Variants in LRRTM4 observed in about 807,000 individuals in gnomAD.
LRRTM4 encodes leucine-rich repeat transmembrane neuronal protein 4.
A neutral mutation model predicts 47.6 loss-of-function variants in LRRTM4; 25 were observed. That is an observed-to-expected ratio of 0.53 (90% CI 0.38 to 0.73). The LOEUF is 0.73. Among genes scored for constraint, LRRTM4 ranks in the 30% least tolerant of loss-of-function variants. LRRTM4 has a pLI of 0.00. For synonymous variants in LRRTM4, 311 were observed against 269.5 expected, an observed-to-expected ratio of 1.15 and a Z score of -1.51; for missense variants, 638 against 713.4, an observed-to-expected ratio of 0.89 and a Z score of 1.20.
At chr2:77,158,786 G>GT (rs59965608) in intron 3 of LRRTM4, among the ~76,000 whole-genome samples, 202 of 145,978 alleles carry the variant, frequency 1.4e-3, no homozygotes, top group Middle Eastern at 3.6e-3. Context: ...TGCTTTTTTC[G>GT]TTTTTTTTTC....
chr2:76,908,730 A>C (rs1673941626), intron 3 of LRRTM4, among the ~76,000 whole-genome samples: 1 of 152,010 alleles, frequency 6.6e-6, no homozygotes, highest in Admixed American at 6.6e-5. Flanking sequence ...TCATGAGTGA[A>C]CTCCCATTCA....
Position 76,891,378 on chromosome 2 carries a change from T to A in LRRTM4, c.1552-142462A>T, listed in dbSNP as rs531871563. ...AAAGTAAATAAAGGACTAGTCAACA[T>A]CCTTAAAAGCATATTGGAAGGAAAA... On this transcript the variant is annotated intron_variant, in intron 3 of 3. Coordinates refer to ENST00000409884, the MANE Select transcript of LRRTM4 (RefSeq NM_001134745.3). 9.7e-4 allele frequency among the ~76,000 whole-genome samples: 147 copies of A among 151,864 alleles called. 5 individuals are homozygous for A. In the South Asian group the frequency reaches 0.03, roughly 31 times the overall value.
chr2:76,999,619 T>C (rs1312103328), intron 3 of LRRTM4, among the ~76,000 whole-genome samples: 1 of 152,118 alleles, frequency 6.6e-6, no homozygotes, highest in African/African-American at 2.4e-5. Flanking sequence ...TCTCCAGCTT[T>C]TCTACCTTTC....
Position 77,033,999 on chromosome 2 carries a change from A to G in LRRTM4, c.1552-285083T>C, listed in dbSNP as rs570646505. ...CAAGATTTCAAGATTTTTTAATATA[A>G]AAGTATGCTTAGTATACCTTTATTA... is the stretch of plus-strand genomic sequence containing the variant. On this transcript the variant is annotated intron_variant, in intron 3 of 3. Transcript: ENST00000409884. Among the ~76,000 whole-genome samples the G allele has an allele frequency of 3.3e-5, 5 of 151,952 alleles. No individual in the cohort carries two copies. The South Asian group carries it at 1.0e-3, about 31-fold the overall frequency.
At chr2:77,280,259 T>C (rs1193530075) in intron 3 of LRRTM4, among the ~76,000 whole-genome samples, 1 of 151,932 alleles carries the variant, frequency 6.6e-6, no homozygotes, top group Non-Finnish European at 1.5e-5. Context: ...AGGAAATAAA[T>C]CAGATTGTCC....
At chr2:76,974,193 T>TATATATACATATATATATAC (rs1558771579) in intron 3 of LRRTM4, among the ~76,000 whole-genome samples, 16 of 119,600 alleles carry the variant, frequency 1.3e-4, no homozygotes, top group African/African-American at 6.1e-4. Context: ...CATACATATA[T>TATATATACATATATATATAC]ATACATATAT....
rs75962238 is a variant in LRRTM4, at chr2:76,815,038, G to A, written c.1552-66122C>T. 3.4e-3 allele frequency among the ~76,000 whole-genome samples: 520 copies of A among 152,190 alleles called. 13 individuals carry two copies. The East Asian group carries it at 0.052, about 15-fold the overall frequency. The stretch of plus-strand genomic sequence containing the variant: ...GGGTGGAGATGAGAAGCGGAGACGT[G>A]TGTGGGAGAGAGCTTCACTGTGCTT... On this transcript the variant is annotated intron_variant, in intron 3 of 3. Transcript: ENST00000409884.
chr2:77,160,720 G>T (rs900952974), intron 3 of LRRTM4, among the ~76,000 whole-genome samples: 2 of 152,108 alleles, frequency 1.3e-5, no homozygotes, highest in African/African-American at 4.8e-5. Context: ...CAAAAAAACA[G>T]TGGAGTTGGC....
At chr2:76,954,293 G>A (rs1675597854) in intron 3 of LRRTM4, among the ~76,000 whole-genome samples, 1 of 151,662 alleles carries the variant, frequency 6.6e-6, no homozygotes, top group Admixed American at 6.6e-5. Flanking sequence ...TCAAAAAGAT[G>A]ACCAATAAGC....
chr2:77,394,871 T>G (rs768334884), intron 3 of LRRTM4, among the ~76,000 whole-genome samples: 4 of 151,942 alleles, frequency 2.6e-5, no homozygotes, highest in Non-Finnish European at 5.9e-5. Flanking sequence ...AGAAAGTGAG[T>G]GAAATCCGTC....
At chr2:77,119,697 A>G (rs1671477105) in intron 3 of LRRTM4, among the ~76,000 whole-genome samples, 1 of 151,866 alleles carries the variant, frequency 6.6e-6, no homozygotes, top group African/African-American at 2.4e-5. Flanking sequence ...CTAGCCAATG[A>G]TATAAGTCTG....
At chr2:77,402,978 C>G (rs563373733) in intron 3 of LRRTM4, among the ~76,000 whole-genome samples, 22 of 152,052 alleles carry the variant, frequency 1.4e-4, no homozygotes, top group Non-Finnish European at 2.9e-4. Context: ...ATTTCTATTT[C>G]CCACTATCTT....
At chr2:76,838,902 C>T (rs61329390) in intron 3 of LRRTM4, among the ~76,000 whole-genome samples, 10 of 151,930 alleles carry the variant, frequency 6.6e-5, no homozygotes, top group Non-Finnish European at 1.5e-4. Context: ...TTTTTAGTCA[C>T]AAAATAAACC....
At chr2:76,945,014 C>T (rs1343924718) in intron 3 of LRRTM4, among the ~76,000 whole-genome samples, 9 of 151,886 alleles carry the variant, frequency 5.9e-5, no homozygotes, top group East Asian at 5.8e-4. Flanking sequence ...GAAATTATCC[C>T]GTGGATTTGG....
chr2:76,964,958 T>C (rs1675976231), intron 3 of LRRTM4, among the ~76,000 whole-genome samples: 1 of 149,890 alleles, frequency 6.7e-6, no homozygotes, highest in Non-Finnish European at 1.5e-5. Context: ...ATTAATACAA[T>C]TCCTTGAAAG....
chr2:77,459,802 T>A (rs566288520), intron 3 of LRRTM4, among the ~76,000 whole-genome samples: 71 of 149,558 alleles, frequency 4.7e-4, no homozygotes, highest in Non-Finnish European at 8.8e-4. Context: ...ATAAAGCCAA[T>A]GTACAGACAA....
At chr2:77,207,322 TTA>T (rs1328345307) in intron 3 of LRRTM4, among the ~76,000 whole-genome samples, 11 of 142,764 alleles carry the variant, frequency 7.7e-5, no homozygotes, top group African/African-American at 2.6e-4. Context: ...ATGTATGTGT[TTA>T]TGTTTTTCCT....
At chr2:77,096,698 G>C (rs930222492) in intron 3 of LRRTM4, among the ~76,000 whole-genome samples, 1 of 151,478 alleles carries the variant, frequency 6.6e-6, no homozygotes, top group African/African-American at 2.4e-5. Flanking sequence ...ATATTAGCAT[G>C]TTAATAGTAA....
intron 3 of LRRTM4, among the ~76,000 whole-genome samples, chr2:76,800,488 A>G (rs531418604): frequency 2.1e-5 from 3 of 145,254 alleles, no homozygotes; most frequent in Non-Finnish European, 4.5e-5. Flanking sequence ...TAGACCTAAA[A>G]CCATAAAAAC....
Sources: allele counts gnomAD v4.1 joint callset (sites outside exome capture counted in the v4.1 genomes callset), GRCh38; gene constraint gnomAD v4.1.1; transcripts MANE v1.5; gene names NCBI Gene and HGNC (gene_info 2026-07-23, HGNC 2026-07-21).